NEXMIF: variants seen among roughly 807,000 people sequenced by gnomAD.
NEXMIF encodes XLMR protein related to neurite extension.
NEXMIF carries 8 observed loss-of-function variants against 62.1 expected under a neutral mutation model. That is an observed-to-expected ratio of 0.13 (90% CI 0.08 to 0.23). The LOEUF (loss-of-function observed/expected upper bound fraction) is 0.23, where lower values mean the gene tolerates loss of function less well. Ranked by LOEUF, NEXMIF falls within the 10% of genes least tolerant of loss-of-function variation. The pLI, the probability that NEXMIF is intolerant of heterozygous loss-of-function variation, is 1.00. For synonymous variants in NEXMIF, 404 were observed against 416.6 expected (o/e 0.97, Z 0.37); for missense variants, 976 against 1,113.3 (o/e 0.88, Z 1.75).
At chrX:74,773,895 T>C in intron 1 of NEXMIF, among the ~76,000 whole-genome samples, 1 of 63,172 alleles carries the variant, frequency 1.6e-5, no homozygotes. Flanking sequence ...GGCGACAGAG[T>C]AAGACTCCGT....
chrX:74,874,949 T>C (rs969688917), intron 1 of NEXMIF, among the ~76,000 whole-genome samples: 1 of 110,498 alleles, frequency 9.0e-6, no homozygotes, highest in African/African-American at 3.3e-5. Flanking sequence ...ACAGGGACAA[T>C]TTGACTTCCT....
intron 1 of NEXMIF, among the ~76,000 whole-genome samples, chrX:74,871,220 C>T: frequency 9.0e-6 from 1 of 111,036 alleles, no homozygotes; most frequent in Non-Finnish European, 1.9e-5. Flanking sequence ...TATAGCTGGG[C>T]CTCCGGGGGT....
chrX:74,876,643 A>T (rs766201261), intron 1 of NEXMIF, among the ~76,000 whole-genome samples: 1 of 100,144 alleles, frequency 1.0e-5, no homozygotes, highest in Non-Finnish European at 2.0e-5. Context: ...TTTGTAGGTC[A>T]CTCAGGACTT....
chrX:74,871,493 G>C (rs2080600671), intron 1 of NEXMIF, among the ~76,000 whole-genome samples: 1 of 111,442 alleles, frequency 9.0e-6, no homozygotes, highest in Admixed American at 9.6e-5. Flanking sequence ...GGTCTGACTA[G>C]AATTTACCAG....
At chrX:74,781,453 A>T (rs1432221924) in intron 1 of NEXMIF, among the ~76,000 whole-genome samples, 1 of 107,856 alleles carries the variant, frequency 9.3e-6, no homozygotes, top group Non-Finnish European at 2.0e-5. Flanking sequence ...AGGGAGAAAG[A>T]ACAAGAGGGA....
intron 1 of NEXMIF, among the ~76,000 whole-genome samples, chrX:74,847,662 G>A (rs1381855737): frequency 6.3e-5 from 7 of 111,390 alleles, no homozygotes; most frequent in Admixed American, 9.5e-5. Flanking sequence ...CTTTGTAATC[G>A]CAGCCCACAT....
At chrX:74,914,835 C>A (rs370058773) in intron 1 of NEXMIF, among the ~76,000 whole-genome samples, 1 of 112,122 alleles carries the variant, frequency 8.9e-6, no homozygotes, top group East Asian at 2.8e-4. Flanking sequence ...TACACTAATA[C>A]CATGTAATAC....
intron 1 of NEXMIF, among the ~76,000 whole-genome samples, chrX:74,804,018 T>C (rs1252185577): frequency 8.9e-6 from 1 of 111,907 alleles, no homozygotes; most frequent in Admixed American, 9.5e-5. Context: ...CAGGATATTA[T>C]AGAACTGTAA....
intron 1 of NEXMIF, among the ~76,000 whole-genome samples, chrX:74,780,188 G>A (rs1010702989): frequency 2.7e-5 from 3 of 111,357 alleles, no homozygotes; most frequent in Non-Finnish European, 5.6e-5. Flanking sequence ...TAAAGGTTAG[G>A]TTTTTGTCTT....
rs192109329 is a variant in NEXMIF at position 74,847,529 on chromosome X, A to G, written c.-48+77354T>C. Among the ~76,000 whole-genome samples, 363 of 112,269 alleles carry G rather than the reference A, an allele frequency of 3.2e-3. 2 individuals carry two copies. The highest frequency in any genetic ancestry group is 0.011 in the African/African-American group (346 of 30,916). ...CTGGAGGGTCTGGAGATGATCTCAA[A>G]AACACTTTTAAGTAACATCGGTTTT... On this transcript the variant is annotated intron_variant, in intron 1 of 3. Transcript: ENST00000055682.
intron 1 of NEXMIF, among the ~76,000 whole-genome samples, chrX:74,807,447 G>C (rs1372864819): frequency 9.0e-6 from 1 of 110,789 alleles, no homozygotes; most frequent in Non-Finnish European, 1.9e-5. Flanking sequence ...TGGGACTATA[G>C]GCATATGCTA....
intron 1 of NEXMIF, among the ~76,000 whole-genome samples, chrX:74,882,275 A>G (rs2080667805): frequency 8.9e-6 from 1 of 111,863 alleles, no homozygotes; most frequent in Non-Finnish European, 1.9e-5. Flanking sequence ...GGTTCATCTC[A>G]CTGGGGAGTG....
chrX:74,764,853 G>C (rs940790877), intron 1 of NEXMIF, among the ~76,000 whole-genome samples: 6 of 111,989 alleles, frequency 5.4e-5, no homozygotes, highest in African/African-American at 1.9e-4. Context: ...TTGTGTGGTT[G>C]ATTATAGAGT....
chrX:74,818,089 A>G (rs1473972654), intron 1 of NEXMIF, among the ~76,000 whole-genome samples: 5 of 110,875 alleles, frequency 4.5e-5, no homozygotes, highest in African/African-American at 1.6e-4. Flanking sequence ...CATTTTTCAC[A>G]GAATTAAAAA....
At chrX:74,794,573 G>C (rs983138004) in intron 1 of NEXMIF, among the ~76,000 whole-genome samples, 2 of 112,482 alleles carry the variant, frequency 1.8e-5, no homozygotes, top group African/African-American at 6.4e-5. Context: ...CCCTCCCCCA[G>C]CCTCGCTGCT....
rs753985228 is a variant in NEXMIF at position 74,894,888 on chromosome X, A to G, written c.-48+29995T>C. ...AGTATCACACTGAATTGGGAGAAAC[A>G]GAAAGCCTTTCCTCTAAGATCTGGA... On this transcript the variant is annotated intron_variant, in intron 1 of 3. Coordinates refer to ENST00000055682, the MANE Select transcript of NEXMIF (RefSeq NM_001008537.3). 9.8e-5 allele frequency among the ~76,000 whole-genome samples: 11 copies of G among 112,313 alleles called. No homozygotes were observed. In the South Asian group the frequency reaches 4.1e-3, roughly 42 times the overall value.
chrX:74,818,276 C>T (rs1418579556), intron 1 of NEXMIF, among the ~76,000 whole-genome samples: 1 of 111,203 alleles, frequency 9.0e-6, no homozygotes, highest in East Asian at 2.8e-4. Context: ...AAAACAGACA[C>T]ATAGACCAAG....
chrX:74,913,440 C>T (rs2080797306), intron 1 of NEXMIF, among the ~76,000 whole-genome samples: 1 of 111,036 alleles, frequency 9.0e-6, no homozygotes, highest in Admixed American at 9.6e-5. Flanking sequence ...AGTTTTCTCT[C>T]ATCAGAAGAA....
At chrX:74,745,429 G>A in intron 2 of NEXMIF, 143 bp downstream of exon 2, 1 of 462,976 alleles carries the variant, frequency 2.2e-6, no homozygotes, top group Non-Finnish European at 3.8e-6. Context: ...TTAGATATTT[G>A]GTGGAATAAA....
Sources: allele counts gnomAD v4.1 joint callset (sites outside exome capture counted in the v4.1 genomes callset), GRCh38; gene constraint gnomAD v4.1.1; transcripts MANE v1.5; gene names NCBI Gene and HGNC (gene_info 2026-07-23, HGNC 2026-07-21).